The following EYS variants were observed in gnomAD, a reference collection of about 807,000 sequenced individuals.
EYS encodes the protein protein eyes shut homolog.
Under a neutral mutation model 282.1 loss-of-function variants are expected in EYS, and 250 were observed. The ratio of observed to expected loss-of-function variants is 0.89; its 90% CI spans 0.80 to 0.98. The LOEUF (loss-of-function observed/expected upper bound fraction) is 0.98, where lower values mean the gene tolerates loss of function less well. EYS is among the 50% of genes least tolerant of loss of function. EYS has a pLI of 0.00. For missense variants in EYS, 4,016 were observed against 3,709.0 expected (o/e 1.08, Z -2.15); for synonymous variants, 1,355 against 1,282.9 (o/e 1.06, Z -1.20).
chr6:65,248,757 G>C (rs1050006228), intron 12 of EYS, among the ~76,000 whole-genome samples: 5 of 152,014 alleles, frequency 3.3e-5, no homozygotes, highest in African/African-American at 1.2e-4. Flanking sequence ...TGTTGTGCAT[G>C]TACAGGAAGA....
At chr6:63,978,992 C>A (rs572967690) in intron 35 of EYS, among the ~76,000 whole-genome samples, 67 of 152,020 alleles carry the variant, frequency 4.4e-4, no homozygotes, top group African/African-American at 1.6e-3. Flanking sequence ...TTTCTGAATG[C>A]TAAACAAATA....
intron 22 of EYS, among the ~76,000 whole-genome samples, chr6:64,717,877 A>T (rs1771450212): frequency 6.6e-6 from 1 of 152,182 alleles, no homozygotes; most frequent in African/African-American, 2.4e-5. Context: ...CTTTAGAAAG[A>T]TTATGATACA....
Position 64,988,012 on chromosome 6 carries a change from C to A in EYS, c.2259+9570G>T, listed in dbSNP as rs991964688. On this transcript the variant is annotated intron_variant, in intron 14 of 42. Transcript: ENST00000503581. ...CATCCACATTTATATCCACACCAAT[C>A]CCATTGGTCTCTTTTGAGTTTTTGT... is the stretch of plus-strand genomic sequence containing the variant. 1.5e-4 allele frequency among the ~76,000 whole-genome samples: 23 copies of A among 151,294 alleles called. No individual in the cohort carries two copies. The Admixed American group carries it at 1.5e-3, about 10-fold the overall frequency.
chr6:64,489,426 T>C lies in EYS; in HGVS notation c.5645-50074A>G, dbSNP rs982185221. 4.0e-5 allele frequency among the ~76,000 whole-genome samples: 6 copies of C among 150,036 alleles called. No homozygotes were observed. In the South Asian group the frequency reaches 1.2e-3, roughly 31 times the overall value. ...GTGTACATATCAATATGCATAATATTTTCACGATGTAAATAAATCCATTTA... is the reference window on the plus strand; with the variant it reads ...GTGTACATATCAATATGCATAATATCTTCACGATGTAAATAAATCCATTTA... On this transcript the variant is annotated intron_variant, in intron 26 of 42. Transcript: ENST00000503581.
At chr6:65,261,812 A>C (rs1453640874) in intron 12 of EYS, among the ~76,000 whole-genome samples, 1 of 151,954 alleles carries the variant, frequency 6.6e-6, no homozygotes, top group Non-Finnish European at 1.5e-5. Context: ...TTGCTCATTA[A>C]ATAGAGTTGT....
intron 12 of EYS, among the ~76,000 whole-genome samples, chr6:65,078,651 T>A (rs556022772): frequency 7.9e-5 from 12 of 152,176 alleles, no homozygotes; most frequent in African/African-American, 2.9e-4. Context: ...TTGGTATAGA[T>A]AATAAATAAT....
At chr6:63,953,388 C>A (rs563027059) in intron 35 of EYS, among the ~76,000 whole-genome samples, 1 of 152,240 alleles carries the variant, frequency 6.6e-6, no homozygotes, top group South Asian at 2.1e-4. Context: ...ACAGGACACC[C>A]TCCTGCTCCT....
At chr6:64,444,326 A>G (rs1005299445) in intron 26 of EYS, among the ~76,000 whole-genome samples, 4 of 152,172 alleles carry the variant, frequency 2.6e-5, no homozygotes, top group Admixed American at 2.6e-4. Context: ...GACCTTGATG[A>G]GGTTTATGTT....
intron 26 of EYS, among the ~76,000 whole-genome samples, chr6:64,575,282 C>T (rs2149820396): frequency 6.6e-6 from 1 of 151,400 alleles, no homozygotes; most frequent in East Asian, 2.0e-4. Context: ...ATGAAATTTT[C>T]AAAGAAAAGG....
intron 24 of EYS, among the ~76,000 whole-genome samples, chr6:64,608,139 T>G (rs1766993072): frequency 6.6e-6 from 1 of 152,180 alleles, no homozygotes; most frequent in South Asian, 2.1e-4. Flanking sequence ...CACAAAATTC[T>G]TGTGCTTAGT....
At chr6:64,045,548 C>T (rs1253531436) in intron 33 of EYS, among the ~76,000 whole-genome samples, 10 of 151,466 alleles carry the variant, frequency 6.6e-5, no homozygotes, top group South Asian at 2.1e-4. Flanking sequence ...TGGTTTCAAA[C>T]GATTCTCCTG....
intron 2 of EYS, among the ~76,000 whole-genome samples, chr6:65,549,950 G>A (rs1484377322): frequency 6.6e-6 from 1 of 152,044 alleles, no homozygotes. Flanking sequence ...GGGCTCTGGA[G>A]TTGGCCAGAA....
intron 22 of EYS, among the ~76,000 whole-genome samples, chr6:64,693,259 G>A (rs934032781): frequency 6.6e-6 from 1 of 151,646 alleles, no homozygotes; most frequent in African/African-American, 2.4e-5. Flanking sequence ...CAGTCCAAAT[G>A]TCTTGATCTT....
chr6:64,838,490 G>T (rs147017644), intron 19 of EYS, among the ~76,000 whole-genome samples: 4 of 151,782 alleles, frequency 2.6e-5, no homozygotes, highest in Non-Finnish European at 2.9e-5. Context: ...GCATTTGCAG[G>T]CTTGCTGATC....
At chr6:64,180,819 A>AT (rs1448776251) in intron 31 of EYS, among the ~76,000 whole-genome samples, 10 of 152,050 alleles carry the variant, frequency 6.6e-5, no homozygotes, top group Non-Finnish European at 1.5e-4. Flanking sequence ...TTCAAGATTT[A>AT]TTTTAGATTT....
At chr6:64,588,596 T>TA (rs974697333) in intron 26 of EYS, among the ~76,000 whole-genome samples, 3 of 152,082 alleles carry the variant, frequency 2.0e-5, no homozygotes, top group African/African-American at 7.2e-5. Context: ...GTCCTTCTCT[T>TA]ACCTCTGTCT....
intron 19 of EYS, among the ~76,000 whole-genome samples, chr6:64,839,973 G>T (rs534219935): frequency 1.3e-5 from 2 of 151,980 alleles, no homozygotes; most frequent in Non-Finnish European, 2.9e-5. Flanking sequence ...GGGACATTCA[G>T]ACTATAGCAT....
intron 35 of EYS, among the ~76,000 whole-genome samples, chr6:63,866,204 C>G (rs1420027260): frequency 6.8e-6 from 1 of 147,190 alleles, no homozygotes; most frequent in Non-Finnish European, 1.5e-5. Flanking sequence ...ACAGCCGGAC[C>G]ACCTAGCAGG....
intron 13 of EYS, among the ~76,000 whole-genome samples, chr6:65,025,229 T>C (rs1177815869): frequency 6.6e-6 from 1 of 152,186 alleles, no homozygotes; most frequent in Non-Finnish European, 1.5e-5. Flanking sequence ...TTTTAAGAGT[T>C]CTGACTTCCC....
Sources: gnomAD v4.1 joint callset for allele counts (sites outside exome capture counted in the v4.1 genomes callset) on GRCh38, gnomAD v4.1.1 for gene constraint, MANE v1.5 for transcripts, NCBI Gene and HGNC (gene_info 2026-07-23, HGNC 2026-07-21) for gene names.